The following BANK1 variants were observed in gnomAD, a reference collection of about 807,000 sequenced individuals.
BANK1 encodes the protein B cell scaffold protein with ankyrin repeats 1, also known as B-cell scaffold protein with ankyrin repeats.
A neutral mutation model predicts 94.5 loss-of-function variants in BANK1; 95 were observed. The ratio of observed to expected loss-of-function variants is 1.00; its 90% CI spans 0.85 to 1.19. The LOEUF is 1.19. BANK1 is among the 50% of genes most tolerant of loss of function. The pLI is 0.00. For missense variants in BANK1, 987 were observed against 932.2 expected (o/e 1.06, Z -0.77); for synonymous variants, 334 against 308.4 (o/e 1.08, Z -0.87).
At chr4:101,892,372 C>T (rs939693847) in intron 5 of BANK1, among the ~76,000 whole-genome samples, 2 of 151,444 alleles carry the variant, frequency 1.3e-5, no homozygotes, top group Non-Finnish European at 3.0e-5. Context: ...TCATCTGGAA[C>T]TAAAAAAATT....
At chr4:101,833,114 G>A (rs531044730) in intron 2 of BANK1, among the ~76,000 whole-genome samples, 240 of 152,062 alleles carry the variant, frequency 1.6e-3, no homozygotes, top group African/African-American at 5.7e-3. Flanking sequence ...TGAGTAGCTG[G>A]GATTACAGGT....
chr4:101,860,777 C>A (rs1394029808), intron 3 of BANK1, among the ~76,000 whole-genome samples: 1 of 152,060 alleles, frequency 6.6e-6, no homozygotes, highest in East Asian at 1.9e-4. Flanking sequence ...AGTTGGGAGT[C>A]GGTTGGGTGG....
chr4:101,963,786 T>C (rs895257325), intron 7 of BANK1, among the ~76,000 whole-genome samples: 15 of 152,116 alleles, frequency 9.9e-5, no homozygotes, highest in Admixed American at 5.9e-4. Flanking sequence ...TTCTCGCACC[T>C]GGTACTCAAT....
At chr4:101,971,840 T>C (rs1365854367) in intron 7 of BANK1, among the ~76,000 whole-genome samples, 1 of 152,094 alleles carries the variant, frequency 6.6e-6, no homozygotes, top group Non-Finnish European at 1.5e-5. Flanking sequence ...TTCCATTCGT[T>C]GATACCTTTC....
intron 7 of BANK1, among the ~76,000 whole-genome samples, chr4:101,969,649 A>T (rs1293220508): frequency 6.6e-6 from 1 of 152,090 alleles, no homozygotes; most frequent in African/African-American, 2.4e-5. Context: ...CCTCTCACTA[A>T]ATTTGCTGTC....
chr4:101,804,746 G>T (rs1578326588), intron 1 of BANK1, among the ~76,000 whole-genome samples: 1 of 152,048 alleles, frequency 6.6e-6, no homozygotes, highest in African/African-American at 2.4e-5. Context: ...TTACTTTATT[G>T]TAAGAATATA....
At chr4:101,803,768 C>T (rs373130441) in intron 1 of BANK1, among the ~76,000 whole-genome samples, 2,081 of 151,556 alleles carry the variant, frequency 0.014, 50 homozygotes, top group African/African-American at 0.048. Flanking sequence ...GAGGCCGAGG[C>T]GGGCGGATCA....
rs1364307790 is a variant in BANK1 at position 101,839,970 on chromosome 4, T to A, written c.469+9764T>A. Among the ~76,000 whole-genome samples, 625 of 62,568 alleles carry A rather than the reference T, an allele frequency of 1.0e-2. 36 individuals carry two copies. The highest frequency in any genetic ancestry group is 0.033 in the African/African-American group (598 of 18,368). The allele number at this position is 62,568 out of a possible 152,430, so 41.0% of individuals were successfully genotyped here. A position where few individuals can be genotyped will look rare whatever the true frequency, so the allele number is the denominator to read the frequency against. On this transcript the variant is annotated intron_variant, in intron 2 of 16. Transcript: ENST00000322953. ...TTTTTTTTTTTTTTTTTTTTTTTTT[T>A]TTTTTTTTTTTTTTTTGAGACAGAG...
chr4:101,824,612 A>G (rs1187525460), intron 1 of BANK1, among the ~76,000 whole-genome samples: 1 of 152,074 alleles, frequency 6.6e-6, no homozygotes, highest in African/African-American at 2.4e-5. Flanking sequence ...GTGTGTGATT[A>G]TATTAAGATT....
intron 7 of BANK1, among the ~76,000 whole-genome samples, chr4:101,929,261 G>A (rs1723265696): frequency 6.6e-6 from 1 of 151,572 alleles, no homozygotes; most frequent in Non-Finnish European, 1.5e-5. Flanking sequence ...AGAAAGGAGG[G>A]AACCTTGTAC....
At chr4:101,987,651 A>G (rs1725561490) in intron 7 of BANK1, among the ~76,000 whole-genome samples, 1 of 152,176 alleles carries the variant, frequency 6.6e-6, no homozygotes, top group African/African-American at 2.4e-5. Flanking sequence ...AGAACTTTCT[A>G]AATGCAAAGA....
chr4:101,895,219 T>G lies in BANK1; in HGVS notation c.904-86T>G, dbSNP rs1722020327. On this transcript the variant is annotated intron_variant, in intron 5 of 16. Transcript: ENST00000322953. ...AAGATTAGCCATTGTTTACTCCAGTTAATAAATTTTTGTTAAATTGCACTA... is the reference window on the plus strand; with the variant it reads ...AAGATTAGCCATTGTTTACTCCAGTGAATAAATTTTTGTTAAATTGCACTA... The G allele has an allele frequency of 6.1e-6, 4 of 656,906 alleles. No homozygotes were observed. In the Admixed American group the frequency reaches 1.0e-4, roughly 16 times the overall value. 40.7% of individuals were successfully genotyped at this position (656,906 alleles called of 1,614,324 possible).
At chr4:101,834,827 ATATAT>A in intron 2 of BANK1, among the ~76,000 whole-genome samples, 1 of 152,320 alleles carries the variant, frequency 6.6e-6, no homozygotes, top group South Asian at 2.1e-4. Context: ...AAATGTTCTA[ATATAT>A]TAATATAACA....
intron 6 of BANK1, among the ~76,000 whole-genome samples, chr4:101,897,501 A>G (rs1256296076): frequency 6.6e-6 from 1 of 152,010 alleles, no homozygotes; most frequent in Non-Finnish European, 1.5e-5. Context: ...GATGGGTTAT[A>G]TCGGAGTCCC....
chr4:101,874,615 G>T (rs1728417981), intron 5 of BANK1, among the ~76,000 whole-genome samples: 1 of 152,164 alleles, frequency 6.6e-6, no homozygotes, highest in Non-Finnish European at 1.5e-5. Context: ...GGATAAGAAG[G>T]TTCAAACTTC....
intron 2 of BANK1, among the ~76,000 whole-genome samples, chr4:101,841,799 C>G (rs1038202693): frequency 7.4e-6 from 1 of 135,090 alleles, no homozygotes; most frequent in African/African-American, 2.8e-5. Context: ...CAACAGTCCC[C>G]AGAGTGCAAT....
intron 2 of BANK1, among the ~76,000 whole-genome samples, chr4:101,840,177 C>T (rs1726989775): frequency 2.0e-5 from 3 of 149,984 alleles, no homozygotes; most frequent in Admixed American, 2.0e-4. Context: ...ACCGTTTTAG[C>T]CGGGATGGTC....
intron 7 of BANK1, among the ~76,000 whole-genome samples, chr4:101,922,806 A>G (rs1043473170): frequency 6.6e-6 from 1 of 151,904 alleles, no homozygotes; most frequent in Non-Finnish European, 1.5e-5. Context: ...ATTTGACTGC[A>G]TGCATTATAA....
At chr4:101,946,962 T>C (rs952255968) in intron 7 of BANK1, among the ~76,000 whole-genome samples, 1 of 151,838 alleles carries the variant, frequency 6.6e-6, no homozygotes, top group African/African-American at 2.4e-5. Context: ...CTTAGTAGTT[T>C]GGTAGACATT....
Sources: gnomAD v4.1 joint callset for allele counts (sites outside exome capture counted in the v4.1 genomes callset) on GRCh38, gnomAD v4.1.1 for gene constraint, MANE v1.5 for transcripts, NCBI Gene and HGNC (gene_info 2026-07-23, HGNC 2026-07-21) for gene names.